Variants in SDK2 observed in about 807,000 individuals in gnomAD.
The protein encoded by SDK2 is protein sidekick-2.
SDK2 carries 105 observed loss-of-function variants against 253.9 expected under a neutral mutation model. That is an observed-to-expected ratio of 0.41 (90% confidence interval 0.35 to 0.49). SDK2 has a LOEUF of 0.49. Ranked by LOEUF, SDK2 falls within the 20% of genes least tolerant of loss-of-function variation. The pLI is 0.06. For synonymous variants in SDK2, 1,249 were observed against 1,234.9 expected, an observed-to-expected ratio of 1.01 and a Z score of -0.24; for missense variants, 2,608 against 3,003.0, an observed-to-expected ratio of 0.87 and a Z score of 3.07.
In SDK2 at chr17:73,348,630, G is replaced by A. The variant is rs199591952; in HGVS notation, c.6134C>T (p.Thr2045Met). 5.0e-5 allele frequency: 80 copies of A among 1,613,018 alleles called. No individual in the cohort carries two copies. The East Asian group carries it at 1.3e-3, about 27-fold the overall frequency. ...DLIPAESSSL[T>M]EKPSEISDSQ... ...GTCGGAGATTTCTGAGGGCTTCTCC[G>A]TCAGGCTGCTGCTCTCTGCAGGGAT... Residue 2045 changes from threonine to methionine, a missense_variant, in exon 44 of 45, where the codon ACG (threonine) becomes ATG (methionine). This residue lies in a region of SDK2 where 1,103 missense variants were observed against 1,143.9 expected (regional missense o/e 0.96). Coordinates refer to ENST00000392650, the MANE Select transcript of SDK2 (RefSeq NM_001144952.2).
chr17:73,408,115 G>A (rs1033611559), intron 18 of SDK2, among the ~76,000 whole-genome samples: 2 of 141,952 alleles, frequency 1.4e-5, no homozygotes, highest in Admixed American at 1.5e-4. Flanking sequence ...ACAATGGTGT[G>A]ATCTCTGCTC....
intron 44 of SDK2, among the ~76,000 whole-genome samples, chr17:73,346,848 C>T (rs1007160197): frequency 6.6e-6 from 1 of 152,202 alleles, no homozygotes; most frequent in African/African-American, 2.4e-5. Context: ...TTTTTCCTGG[C>T]GGCTGAAACC....
rs776829944 is a variant in SDK2 at position 73,629,500 on chromosome 17, C to G, written c.64+14525G>C. Among the ~76,000 whole-genome samples, 1 of 152,120 alleles carries G rather than the reference C, an allele frequency of 6.6e-6. No homozygotes were observed. Among genetic ancestry groups the G allele is most frequent in the Admixed American group, 6.5e-5 (1 of 15,272 alleles). On this transcript the variant is annotated intron_variant, in intron 1 of 44. Transcript: ENST00000392650. This position sits in a 1 kb window ranked among gnomAD's most constrained non-coding sequence, Gnocchi z 5.0. ...TTAGTGATTAGATACGACCAAGGTG[C>G]GTATTTGCTGTCTATAATTGCTGCT...
At chr17:73,405,868 T>C (rs1035481115) in intron 18 of SDK2, among the ~76,000 whole-genome samples, 5 of 151,262 alleles carry the variant, frequency 3.3e-5, no homozygotes, top group African/African-American at 4.9e-5. Flanking sequence ...TACAGGCGCC[T>C]GCCACCACGC....
intron 2 of SDK2, among the ~76,000 whole-genome samples, chr17:73,492,522 G>A (rs1043518432): frequency 1.3e-5 from 2 of 152,148 alleles, no homozygotes; most frequent in African/African-American, 4.8e-5. Flanking sequence ...GAGCCCACCA[G>A]TGCCTGGAAC....
intron 3 of SDK2, among the ~76,000 whole-genome samples, chr17:73,461,857 G>A (rs1034345216): frequency 1.3e-5 from 2 of 152,036 alleles, no homozygotes; most frequent in African/African-American, 2.4e-5. Flanking sequence ...ATGCCTGTAC[G>A]TTTATATGGT....
At position 73,616,392 on chromosome 17, in the gene SDK2, A is replaced by T. The variant is rs1387818200; in HGVS notation, c.64+27633T>A. On this transcript the variant is annotated intron_variant, in intron 1 of 44. Coordinates refer to ENST00000392650, the MANE Select transcript of SDK2 (RefSeq NM_001144952.2). The surrounding 1 kb of genome is among the most constrained non-coding windows in gnomAD (Gnocchi z 5.2). Reference sequence around the variant, plus strand: ...ATGCAGGCTCAGGAAGGAGAAAAAAACAAGAGGGAAAGAGGCAAGCAACGG... The same window carrying T: ...ATGCAGGCTCAGGAAGGAGAAAAAATCAAGAGGGAAAGAGGCAAGCAACGG... Among the ~76,000 whole-genome samples the T allele has an allele frequency of 6.6e-6, 1 of 152,124 alleles. No individual in the cohort carries two copies. Among genetic ancestry groups the T allele is most frequent in the Non-Finnish European group, 1.5e-5 (1 of 68,024 alleles).
At position 73,375,230 on chromosome 17, in the gene SDK2, C is replaced by CT. The variant is rs33992958; in HGVS notation, c.4980+3946dup. 4.2e-3 allele frequency among the ~76,000 whole-genome samples: 246 copies of CT among 58,666 alleles called. 36 individuals are homozygous for CT. Among genetic ancestry groups the CT allele is most frequent in the African/African-American group, 9.6e-3 (136 of 14,206 alleles). 38.5% of individuals were successfully genotyped at this position (58,666 alleles called of 152,430 possible). ...TCTCATTAAGTCCTTTCCTAACAACCTTTTTTTTTTTTTTTTTTTTTTTTT... is the reference window on the plus strand; with the variant it reads ...TCTCATTAAGTCCTTTCCTAACAACCTTTTTTTTTTTTTTTTTTTTTTTTTT... On this transcript the variant is annotated intron_variant, in intron 36 of 44. Transcript: ENST00000392650.
In SDK2 at chr17:73,511,367, C is replaced by T. The variant is rs1476182688; in HGVS notation, c.65-3770G>A. 2.0e-5 allele frequency among the ~76,000 whole-genome samples: 3 copies of T among 152,234 alleles called. No homozygotes were observed. Among genetic ancestry groups the T allele is most frequent in the Non-Finnish European group, 2.9e-5 (2 of 68,044 alleles). ...ACACACACACGCGCGAGCACGCACA[C>T]GCTCTGCGCCCAGACGCCCTCGCCT... On this transcript the variant is annotated intron_variant, in intron 1 of 44. Transcript: ENST00000392650. The surrounding 1 kb of genome is among the most constrained non-coding windows in gnomAD (Gnocchi z 4.9).
At chr17:73,339,342 T>A (rs1341370244) in intron 44 of SDK2, among the ~76,000 whole-genome samples, 4 of 151,150 alleles carry the variant, frequency 2.6e-5, no homozygotes, top group Admixed American at 6.6e-5. Flanking sequence ...TTCTCCTGCC[T>A]CAGCCTCCTG....
At chr17:73,386,118 C>T (rs1009049765) in intron 31 of SDK2, among the ~76,000 whole-genome samples, 1 of 152,164 alleles carries the variant, frequency 6.6e-6, no homozygotes, top group African/African-American at 2.4e-5. Flanking sequence ...TGACTCAGCC[C>T]AAACCCAAGG....
chr17:73,545,097 A>ACG (rs1052835277), intron 1 of SDK2, among the ~76,000 whole-genome samples: 10 of 132,538 alleles, frequency 7.5e-5, no homozygotes, highest in Non-Finnish European at 1.6e-4. Context: ...GTGCACGTGC[A>ACG]CGCACACACA....
At chr17:73,631,975 T>C (rs563843311) in intron 1 of SDK2, among the ~76,000 whole-genome samples, 5 of 152,122 alleles carry the variant, frequency 3.3e-5, no homozygotes, top group African/African-American at 1.2e-4. Flanking sequence ...GGTGGGAGGG[T>C]CCAAGACAGC....
At chr17:73,626,818 G>A (rs1240735095) in intron 1 of SDK2, among the ~76,000 whole-genome samples, 1 of 152,184 alleles carries the variant, frequency 6.6e-6, no homozygotes, top group African/African-American at 2.4e-5. Context: ...CCAGGGGCTG[G>A]TCTTCGATGT....
chr17:73,406,580 A>G (rs1239342268), intron 18 of SDK2, among the ~76,000 whole-genome samples: 1 of 152,168 alleles, frequency 6.6e-6, no homozygotes, highest in East Asian at 1.9e-4. Flanking sequence ...AAATGGAAGA[A>G]AAAACCAAAC....
At chr17:73,548,518 C>T (rs1014499468) in intron 1 of SDK2, among the ~76,000 whole-genome samples, 9 of 152,372 alleles carry the variant, frequency 5.9e-5, no homozygotes, top group African/African-American at 1.2e-4. Flanking sequence ...ATCCTGATCC[C>T]ATTTGTGGGA....
chr17:73,499,651 A>T (rs2063870358), intron 2 of SDK2, among the ~76,000 whole-genome samples: 1 of 152,212 alleles, frequency 6.6e-6, no homozygotes, highest in Admixed American at 6.5e-5. Context: ...AGAGGGCAGC[A>T]CACTCAGGTC....
At chr17:73,503,372 C>T (rs1288876675) in intron 2 of SDK2, among the ~76,000 whole-genome samples, 1 of 152,190 alleles carries the variant, frequency 6.6e-6, no homozygotes, top group Admixed American at 6.5e-5. Flanking sequence ...GGGTAAATGC[C>T]TTGCTCTTAG....
chr17:73,632,884 C>A (rs1015595972), intron 1 of SDK2, among the ~76,000 whole-genome samples: 3 of 152,170 alleles, frequency 2.0e-5, no homozygotes, highest in African/African-American at 7.2e-5. Context: ...ATGGGGACGA[C>A]AAGCCACATC....
Sources: gnomAD v4.1 joint callset for allele counts (sites outside exome capture counted in the v4.1 genomes callset) on GRCh38, gnomAD v4.1.1 for gene constraint, gnomAD v4.1.1 regional missense constraint, Gnocchi (gnomAD v3.1) non-coding constraint, MANE v1.5 for transcripts, NCBI Gene and HGNC (gene_info 2026-07-23, HGNC 2026-07-21) for gene names.